PDE1A: variants seen among roughly 807,000 people sequenced by gnomAD.
PDE1A encodes the protein phosphodiesterase 1A.
PDE1A carries 35 observed loss-of-function variants against 61.7 expected under a neutral mutation model. The ratio of observed to expected loss-of-function variants is 0.57; its 90% CI spans 0.43 to 0.75. The LOEUF is 0.75. PDE1A is among the 30% of genes least tolerant of loss of function. The pLI is 0.00. For missense variants in PDE1A, 597 were observed against 630.6 expected (o/e 0.95, Z 0.57); for synonymous variants, 232 against 213.2 (o/e 1.09, Z -0.77).
chr2:182,604,152 T>G, the PDE1A span, among the ~76,000 whole-genome samples: 1 of 152,090 alleles, frequency 6.6e-6, no homozygotes, highest in Non-Finnish European at 1.5e-5. Flanking sequence ...CTGAAAGAAA[T>G]TATAATGAAA....
the PDE1A span, among the ~76,000 whole-genome samples, chr2:182,694,664 TAATAC>T: frequency 1.3e-5 from 2 of 152,290 alleles, no homozygotes; most frequent in Admixed American, 1.3e-4. Flanking sequence ...TATCCTTGAC[TAATAC>T]AGCATGTTCA....
At chr2:182,188,908 A>G (rs1685463261) in intron 11 of PDE1A, 71 bp downstream of exon 11, 2 of 984,496 alleles carry the variant, frequency 2.0e-6, no homozygotes, top group African/African-American at 1.6e-5. Flanking sequence ...CCCTTTGAAC[A>G]ACATCGTTTA....
At chr2:182,631,322 A>T in the PDE1A span, among the ~76,000 whole-genome samples, 1 of 151,736 alleles carries the variant, frequency 6.6e-6, no homozygotes, top group African/African-American at 2.4e-5. Context: ...ATTTATTATT[A>T]TTATACTTTA....
chr2:182,223,378 T>A (rs1688887784), intron 7 of PDE1A, among the ~76,000 whole-genome samples: 1 of 152,086 alleles, frequency 6.6e-6, no homozygotes, highest in Non-Finnish European at 1.5e-5. Flanking sequence ...TTGATTTAAA[T>A]AACTTCCATT....
chr2:182,668,605 G>A, the PDE1A span, among the ~76,000 whole-genome samples: 1 of 152,138 alleles, frequency 6.6e-6, no homozygotes, highest in African/African-American at 2.4e-5. Context: ...GTAGGTAGTT[G>A]AAAGAACACT....
intron 1 of PDE1A, among the ~76,000 whole-genome samples, chr2:182,303,011 T>C (rs1240953821): frequency 2.0e-5 from 3 of 152,232 alleles, no homozygotes; most frequent in Admixed American, 1.3e-4. Flanking sequence ...TCTAGTTCTC[T>C]TACTATTTCT....
intron 9 of PDE1A, 33 bp downstream of exon 9, chr2:182,201,650 CAAAAA>C (rs56413404): frequency 2.4e-6 from 3 of 1,268,338 alleles, no homozygotes; most frequent in African/African-American, 1.6e-5. Flanking sequence ...TTTAACATGA[CAAAAA>C]AAAAAAAACA....
At chr2:182,414,850 C>A (rs568452424) in intron 1 of PDE1A, among the ~76,000 whole-genome samples, 1 of 152,148 alleles carries the variant, frequency 6.6e-6, no homozygotes, top group African/African-American at 2.4e-5. Context: ...ACACACGGAT[C>A]AAAATTTTTC....
the PDE1A span, among the ~76,000 whole-genome samples, chr2:182,627,288 AAT>A: frequency 1.0e-5 from 1 of 97,768 alleles, no homozygotes; most frequent in Non-Finnish European, 1.8e-5. Flanking sequence ...ATAAAATATA[AAT>A]ATATATTATA....
At chr2:182,470,864 G>A (rs1009733861) in intron 2 of PDE1A, among the ~76,000 whole-genome samples, 13 of 151,820 alleles carry the variant, frequency 8.6e-5, no homozygotes, top group African/African-American at 3.1e-4. Flanking sequence ...AGTGGGAGAT[G>A]ACATTTGACT....
At chr2:182,522,521 T>C in intron 1 of PDE1A, 1 of 1,459,582 alleles carries the variant, frequency 6.9e-7, no homozygotes, top group Non-Finnish European at 9.0e-7. Context: ...GAGGGAAGAC[T>C]CTGACAGATT....
chr2:182,182,379 C>A (rs1684838545), intron 13 of PDE1A, among the ~76,000 whole-genome samples: 1 of 152,154 alleles, frequency 6.6e-6, no homozygotes, highest in African/African-American at 2.4e-5. Context: ...TCTACTCACA[C>A]ATACTGCCAC....
At chr2:182,468,287 C>T (rs985521273) in intron 2 of PDE1A, among the ~76,000 whole-genome samples, 5 of 151,944 alleles carry the variant, frequency 3.3e-5, no homozygotes, top group African/African-American at 7.2e-5. Flanking sequence ...TCTGCCATTG[C>T]TTTCTTAACT....
At chr2:182,621,431 A>G in the PDE1A span, among the ~76,000 whole-genome samples, 2 of 152,182 alleles carry the variant, frequency 1.3e-5, no homozygotes, top group Non-Finnish European at 2.9e-5. Context: ...GAAACACAAA[A>G]GCCTCAGTAA....
At chr2:182,387,172 T>C (rs1392823113) in intron 1 of PDE1A, among the ~76,000 whole-genome samples, 1 of 152,118 alleles carries the variant, frequency 6.6e-6, no homozygotes, top group Non-Finnish European at 1.5e-5. Context: ...GTTAAATGGA[T>C]TAAGGGCAGT....
chr2:182,515,960 G>GTC (rs1690112410), intron 2 of PDE1A, among the ~76,000 whole-genome samples: 1 of 32,734 alleles, frequency 3.1e-5, no homozygotes, highest in Non-Finnish European at 6.0e-5. Context: ...GTTTCTGTGT[G>GTC]TGTGTGTGTG....
chr2:182,223,218 C>T (rs749440402), intron 7 of PDE1A, among the ~76,000 whole-genome samples: 2 of 151,918 alleles, frequency 1.3e-5, no homozygotes, highest in Non-Finnish European at 2.9e-5. Context: ...AGAAGAGCAA[C>T]CTCAGAGGAA....
chr2:182,259,436 C>T (rs1692067289), intron 2 of PDE1A, among the ~76,000 whole-genome samples: 1 of 152,076 alleles, frequency 6.6e-6, no homozygotes. Flanking sequence ...TTGCATTTTA[C>T]TCATACGTAA....
At chr2:182,445,678 T>C (rs543536333) in intron 2 of PDE1A, among the ~76,000 whole-genome samples, 1 of 152,260 alleles carries the variant, frequency 6.6e-6, no homozygotes, top group African/African-American at 2.4e-5. Flanking sequence ...TTTAATATTA[T>C]TATTTGGAAA....
Sources: gnomAD v4.1 joint callset for allele counts (sites outside exome capture counted in the v4.1 genomes callset) on GRCh38, gnomAD v4.1.1 for gene constraint, MANE v1.5 for transcripts, NCBI Gene and HGNC (gene_info 2026-07-23, HGNC 2026-07-21) for gene names.